COL7A1: variants seen among roughly 807,000 people sequenced by gnomAD.
COL7A1 encodes collagen alpha-1(VII) chain.
Under a neutral mutation model 456.2 loss-of-function variants are expected in COL7A1, and 296 were observed. That is an observed-to-expected ratio of 0.65 (90% CI 0.59 to 0.71). The LOEUF (loss-of-function observed/expected upper bound fraction) is 0.71, where lower values mean the gene tolerates loss of function less well. Ranked by LOEUF, COL7A1 falls within the 30% of genes least tolerant of loss-of-function variation. The pLI is 0.00. For missense variants in COL7A1, 3,441 were observed against 4,017.2 expected (o/e 0.86, Z 3.88); for synonymous variants, 1,464 against 1,525.9 (o/e 0.96, Z 0.95).
Position 48,578,980 on chromosome 3 carries a change from A to G in COL7A1, c.5389-26T>C, listed in dbSNP as rs1465278839. 6.2e-7 allele frequency: 1 copy of G among 1,613,902 alleles called. No individual in the cohort carries two copies. The stretch of plus-strand genomic sequence containing the variant: ...CTGAGGAGAGACTCAAAGTCAGTTC[A>G]TCATGGTCATGGGGTCAGGGGCTCT... On this transcript the variant is annotated intron_variant, in intron 62 of 118. Transcript: ENST00000681320. This position sits in a 1 kb window ranked among gnomAD's most constrained non-coding sequence, Gnocchi z 4.7.
In COL7A1 at chr3:48,566,280, C is replaced by T. The variant is rs961231554; in HGVS notation, c.8394G>A (p.Met2798Ile). The change falls in exon 114 of 119, where the codon ATG becomes ATA. Residue 2798 changes from methionine (M) to isoleucine (I), a missense_variant. Transcript: ENST00000681320. The surrounding 1 kb of genome is among the most constrained non-coding windows in gnomAD (Gnocchi z 5.9). ...GGCACCACTCACCACAGTGCTGACT[C>T]ATCTCTTGGCGCACAAAGCCCCGGA... The part of the protein sequence containing the change: ...DDIRGFVRQE[M>I]SQHCACQGQF... 2.5e-6 allele frequency: 4 copies of T among 1,602,192 alleles called. No homozygotes were observed. In the African/African-American group the frequency reaches 4.0e-5, roughly 16 times the overall value.
rs2107674408 is a variant in COL7A1, at chr3:48,575,423, A to G, written c.6096T>C (p.Leu2032=). The change falls in exon 74 of 119, where the codon CTT becomes CTC. Residue 2032 remains leucine, a synonymous_variant. Coordinates refer to ENST00000681320, the MANE Select transcript of COL7A1 (RefSeq NM_000094.4). The surrounding 1 kb of genome is among the most constrained non-coding windows in gnomAD (Gnocchi z 6.3). ...TACCAGGCTTTCCAGGCTCCCCGGC[A>G]AGGCCGGAAGGCCCGGGGGGGCCCC... ...GERGPPGPSG[L]AGEPGKPGIP... 1 of 1,608,974 alleles carries G rather than the reference A, an allele frequency of 6.2e-7. No individual in the cohort carries two copies. The highest frequency in any genetic ancestry group is 8.5e-7 in the Non-Finnish European group (1 of 1,178,430).
At chr3:48,577,255 A>G (rs2044376090) in intron 65 of COL7A1, among the ~76,000 whole-genome samples, 1 of 151,980 alleles carries the variant, frequency 6.6e-6, no homozygotes, top group African/African-American at 2.4e-5. Context: ...ATGTCCTTTG[A>G]CTCTGGCTCT....
Position 48,570,646 on chromosome 3 carries a change from C to G in COL7A1, c.7337G>C (p.Gly2446Ala), listed in dbSNP as rs755879578. The stretch of plus-strand genomic sequence containing the variant: ...TAGGGCACCTCTACTCACCACTGAC[C>G]CCGGTGGTCCAGGTGGCCCCAGGGG... Reference protein sequence around the residue: ...PGPLGPPGPPGSVGPPGASGL... With the variant: ...PGPLGPPGPPASVGPPGASGL... Residue 2446 changes from glycine (G) to alanine (A), a missense_variant, in exon 96 of 119, where the codon GGG becomes GCG. Gly to Ala is a moderately conservative substitution (Grantham distance 60, BLOSUM62 0). This residue lies in a region of COL7A1 where 2,084 missense variants were observed against 2,501.3 expected (regional missense o/e 0.83). Transcript: ENST00000681320. This position sits in a 1 kb window ranked among gnomAD's most constrained non-coding sequence, Gnocchi z 5.5. 1 of 1,601,454 alleles carries G rather than the reference C, an allele frequency of 6.2e-7. No homozygotes were observed. The highest frequency in any genetic ancestry group is 8.5e-7 in the Non-Finnish European group (1 of 1,173,264).
Position 48,580,042 on chromosome 3 carries a change from G to A in COL7A1, c.5113C>T (p.Pro1705Ser). 6.8e-6 allele frequency: 11 copies of A among 1,614,030 alleles called. No individual in the cohort carries two copies. The highest frequency in any genetic ancestry group is 8.5e-6 in the Non-Finnish European group (10 of 1,179,966). The change falls in exon 57 of 119, where the codon CCG becomes TCG. Residue 1705 changes from proline to serine, a missense_variant. Coordinates refer to ENST00000681320, the MANE Select transcript of COL7A1 (RefSeq NM_000094.4). The surrounding 1 kb of genome is among the most constrained non-coding windows in gnomAD (Gnocchi z 4.5). ...DRGEPGPPGP[P>S]GRLVDTGPGA... ...AGCGCAGCCCTTACCAGCCGTCCCG[G>A]GGGTCCTGGGGGACCCTGGGAAAGG...
In COL7A1 at chr3:48,570,856, C is replaced by G; in HGVS notation, c.7272+5G>C. ...TGCCCCTACATGCTGTTCCCAGCCC[C>G]TCACCCGCTCTCCACTAGGGCCTGG... is the stretch of plus-strand genomic sequence containing the variant. On this transcript the variant is annotated splice_donor_5th_base_variant and intron_variant, in intron 95 of 118. Transcript: ENST00000681320. This position sits in a 1 kb window ranked among gnomAD's most constrained non-coding sequence, Gnocchi z 5.5. 1 of 1,607,746 alleles carries G rather than the reference C, an allele frequency of 6.2e-7. No homozygotes were observed. The highest frequency in any genetic ancestry group is 8.5e-7 in the Non-Finnish European group (1 of 1,177,522).
In COL7A1 at chr3:48,594,353, AGGGCCCCT is replaced by A; in HGVS notation, c.266+7_266+14del. On this transcript the variant is annotated splice_region_variant and intron_variant, in intron 3 of 118. Transcript: ENST00000681320. This position sits in a 1 kb window ranked among gnomAD's most constrained non-coding sequence, Gnocchi z 5.5. Reference sequence around the variant, plus strand: ...GGGGATCTCGTGGTCCCCAGCCCCCAGGGCCCCTACTCACCGTGGGTCATCGCTGTACT... The same window carrying A: ...GGGGATCTCGTGGTCCCCAGCCCCCAACTCACCGTGGGTCATCGCTGTACT... The A allele has an allele frequency of 6.2e-7, 1 of 1,603,526 alleles. No individual in the cohort carries two copies. Among genetic ancestry groups the A allele is most frequent in the Non-Finnish European group, 8.5e-7 (1 of 1,177,922 alleles).
At position 48,570,762 on chromosome 3, in the gene COL7A1, A is replaced by G; in HGVS notation, c.7273-52T>C. Reference sequence around the variant, plus strand: ...CAGAGAGTGACTTGGGAACCCTCCTACCCTCTGCCCCCTCAAGACTGGGAA... The same window carrying G: ...CAGAGAGTGACTTGGGAACCCTCCTGCCCTCTGCCCCCTCAAGACTGGGAA... On this transcript the variant is annotated intron_variant, in intron 95 of 118. Coordinates refer to ENST00000681320, the MANE Select transcript of COL7A1 (RefSeq NM_000094.4). The surrounding 1 kb of genome is among the most constrained non-coding windows in gnomAD (Gnocchi z 5.5). 6.4e-7 allele frequency: 1 copy of G among 1,556,532 alleles called. No individual in the cohort carries two copies.
In COL7A1 at chr3:48,591,755, C is replaced by A; in HGVS notation, c.1425G>T (p.Gln475His). 1 of 1,614,186 alleles carries A rather than the reference C, an allele frequency of 6.2e-7. No homozygotes were observed. Among genetic ancestry groups the A allele is most frequent in the East Asian group, 2.2e-5 (1 of 44,886 alleles). ...DVTRYQLDGL[Q>H]PGTEYRLTLY... ...GTGTGAGGCGGTACTCAGTGCCCGGCTGCAGCCCATCCAACTGGTAGCGGG... is the reference window on the plus strand; with the variant it reads ...GTGTGAGGCGGTACTCAGTGCCCGGATGCAGCCCATCCAACTGGTAGCGGG... Residue 475 changes from glutamine (Q) to histidine (H), a missense_variant, in exon 12 of 119, where the codon CAG becomes CAT. Gln to His is a conservative substitution (Grantham distance 24, BLOSUM62 0). Around this residue, in one of 3 missense-constraint regions of COL7A1, gnomAD observed 913 missense variants for 1,088.2 expected, o/e 0.84. Transcript: ENST00000681320. This position sits in a 1 kb window ranked among gnomAD's most constrained non-coding sequence, Gnocchi z 7.0.
chr3:48,570,444 A>G lies in COL7A1; in HGVS notation c.7380+21T>C. 2 of 1,614,046 alleles carry G rather than the reference A, an allele frequency of 1.2e-6. No homozygotes were observed. Among genetic ancestry groups the G allele is most frequent in the South Asian group, 2.2e-5 (2 of 91,090 alleles). ...GGTGACCAGGGCACAAGAGAGAGTCAGCAGCACTTGTCCCACCTACCTTGT... is the reference window on the plus strand; with the variant it reads ...GGTGACCAGGGCACAAGAGAGAGTCGGCAGCACTTGTCCCACCTACCTTGT... On this transcript the variant is annotated intron_variant, in intron 97 of 118. Transcript: ENST00000681320. This position sits in a 1 kb window ranked among gnomAD's most constrained non-coding sequence, Gnocchi z 5.5.
Position 48,567,366 on chromosome 3 carries a change from A to T in COL7A1, c.8047-176T>A. 3.5e-6 allele frequency: 3 copies of T among 863,914 alleles called. No individual in the cohort carries two copies. The highest frequency in any genetic ancestry group is 5.6e-6 in the Non-Finnish European group (3 of 539,572). 53.5% of individuals were successfully genotyped at this position (863,914 alleles called of 1,614,324 possible). On this transcript the variant is annotated intron_variant, in intron 109 of 118. Transcript: ENST00000681320. This position sits in a 1 kb window ranked among gnomAD's most constrained non-coding sequence, Gnocchi z 4.3. ...AACTCCACTATAGCCCCCTGCCCTG[A>T]TGCACATGCCCCCTCCACCTCCCAT...
Position 48,580,234 on chromosome 3 carries a change from G to A in COL7A1, c.5097+66C>T. 1.3e-6 allele frequency: 2 copies of A among 1,579,104 alleles called. No individual in the cohort carries two copies. Among genetic ancestry groups the A allele is most frequent in the Non-Finnish European group, 8.6e-7 (1 of 1,157,288 alleles). ...GGACCTCCAGACCCCTTGTGTGAAG[G>A]CACACTGGCAGCAGCGCCAGGGGAC... is the stretch of plus-strand genomic sequence containing the variant. On this transcript the variant is annotated intron_variant, in intron 56 of 118. Transcript: ENST00000681320. The surrounding 1 kb of genome is among the most constrained non-coding windows in gnomAD (Gnocchi z 4.5).
In COL7A1 at chr3:48,568,978, C is replaced by T; in HGVS notation, c.7687-123G>A. On this transcript the variant is annotated intron_variant, in intron 103 of 118. Transcript: ENST00000681320. This position sits in a 1 kb window ranked among gnomAD's most constrained non-coding sequence, Gnocchi z 5.2. ...TCCCGAACGGCCCTAGCAGCACGTC[C>T]TCCCAGCCTGTGCCATAGCGGGTGG... The T allele has an allele frequency of 7.5e-6, 7 of 933,676 alleles. No homozygotes were observed. Among genetic ancestry groups the T allele is most frequent in the Non-Finnish European group, 1.0e-5 (6 of 596,556 alleles). The allele number at this position is 933,676 out of a possible 1,614,324, so 57.8% of individuals were successfully genotyped here.
Position 48,588,510 on chromosome 3 carries a change from T to A in COL7A1, c.2588-106A>T. 6.3e-7 allele frequency: 1 copy of A among 1,596,898 alleles called. No homozygotes were observed. The highest frequency in any genetic ancestry group is 1.1e-5 in the South Asian group (1 of 90,520). ...CCCCGCCCAGCCTCTCAGACCCCTC[T>A]CCCTCCTCTCAGACCCTGCCCCCAA... On this transcript the variant is annotated intron_variant, in intron 20 of 118. Transcript: ENST00000681320. The surrounding 1 kb of genome is among the most constrained non-coding windows in gnomAD (Gnocchi z 4.6).
Position 48,583,685 on chromosome 3 carries a change from A to T in COL7A1, c.4341+33T>A. 1 of 1,613,900 alleles carries T rather than the reference A, an allele frequency of 6.2e-7. No homozygotes were observed. Among genetic ancestry groups the T allele is most frequent in the Non-Finnish European group, 8.5e-7 (1 of 1,179,872 alleles). The stretch of plus-strand genomic sequence containing the variant: ...CCCCCAGCACGCAGCCTCCCACCCC[A>T]GAACTGGGACATCATCAAGTCAGCC... On this transcript the variant is annotated intron_variant, in intron 40 of 118. Coordinates refer to ENST00000681320, the MANE Select transcript of COL7A1 (RefSeq NM_000094.4). The surrounding 1 kb of genome is among the most constrained non-coding windows in gnomAD (Gnocchi z 5.1).
Position 48,566,454 on chromosome 3 carries a change from C to T in COL7A1, c.8358+56G>A, listed in dbSNP as rs2043608546. The stretch of plus-strand genomic sequence containing the variant: ...GGGTGCTGGGTGAGGGAGGTAGGGC[C>T]CCAGCCCACCCAGGCCCACCCAGGC... On this transcript the variant is annotated intron_variant, in intron 113 of 118. Transcript: ENST00000681320. The surrounding 1 kb of genome is among the most constrained non-coding windows in gnomAD (Gnocchi z 5.9). The T allele has an allele frequency of 6.2e-7, 1 of 1,611,008 alleles. No homozygotes were observed. The highest frequency in any genetic ancestry group is 8.5e-7 in the Non-Finnish European group (1 of 1,177,940).
In COL7A1 at chr3:48,578,429, G is replaced by T. The variant is rs2044481484; in HGVS notation, c.5487+24C>A. The T allele has an allele frequency of 6.2e-7, 1 of 1,613,450 alleles. No individual in the cohort carries two copies. The highest frequency in any genetic ancestry group is 2.2e-5 in the East Asian group (1 of 44,888). On this transcript the variant is annotated intron_variant, in intron 64 of 118. Transcript: ENST00000681320. This position sits in a 1 kb window ranked among gnomAD's most constrained non-coding sequence, Gnocchi z 4.7. The stretch of plus-strand genomic sequence containing the variant: ...GTGAGGGTAGTAAGGGGGAAAAGGG[G>T]GTAACATGAAAGTCTGGTCTCACCG...
chr3:48,573,003 T>A lies in COL7A1; in HGVS notation c.6750+18A>T, dbSNP rs1262808907. ...ACCCTTGACCCCTGGAGCCCAACCC[T>A]TGACCCCCAGAACTCACCACTTGTC... is the stretch of plus-strand genomic sequence containing the variant. On this transcript the variant is annotated intron_variant, in intron 86 of 118. Transcript: ENST00000681320. This position sits in a 1 kb window ranked among gnomAD's most constrained non-coding sequence, Gnocchi z 5.5. 6.2e-7 allele frequency: 1 copy of A among 1,613,832 alleles called. No individual in the cohort carries two copies. The highest frequency in any genetic ancestry group is 1.7e-5 in the Admixed American group (1 of 59,994).
chr3:48,564,493 G>A lies in COL7A1; in HGVS notation c.8819-71C>T, dbSNP rs116042660. 4,893 of 1,574,980 alleles carry A rather than the reference G, an allele frequency of 3.1e-3. 118 individuals carry two copies. In the African/African-American group the frequency reaches 0.056, roughly 18 times the overall value. On this transcript the variant is annotated intron_variant, in intron 118 of 118. Transcript: ENST00000681320. This position sits in a 1 kb window ranked among gnomAD's most constrained non-coding sequence, Gnocchi z 6.0. ...CCGGAGACGCTCAGGCAGAGGCACC[G>A]CCAAGGGGAGGGAGCGGAGGCTACA...
Sources: gnomAD v4.1 joint callset for allele counts (sites outside exome capture counted in the v4.1 genomes callset) on GRCh38, gnomAD v4.1.1 for gene constraint, gnomAD v4.1.1 regional missense constraint, Gnocchi (gnomAD v3.1) non-coding constraint, MANE v1.5 for transcripts, NCBI Gene and HGNC (gene_info 2026-07-23, HGNC 2026-07-21) for gene names.